BMP8A: variants seen among roughly 807,000 people sequenced by gnomAD.
BMP8A encodes bone morphogenetic protein 8a.
BMP8A carries 14 observed loss-of-function variants against 36.8 expected under a neutral mutation model. The observed-to-expected ratio is 0.38, with a 90% CI of 0.25 to 0.60. BMP8A has a LOEUF of 0.60. BMP8A is among the 20% of genes least tolerant of loss of function. BMP8A has a pLI of 0.63. For synonymous variants in BMP8A, 120 were observed against 237.7 expected, an observed-to-expected ratio of 0.50 and a Z score of 4.55; for missense variants, 267 against 551.1, an observed-to-expected ratio of 0.48 and a Z score of 5.16.
At position 39,527,721 on chromosome 1, in the gene BMP8A, G is replaced by A. The variant is rs929735088; in HGVS notation, c.*1923G>A. ...GCTTCAAGCTCAGCTAGCAGAGATT[G>A]GAAGAGGCAATGGCCTGAGTGTTAG... On this transcript the variant is annotated 3_prime_UTR_variant, in exon 7 of 7. Transcript: ENST00000331593. 3.9e-5 allele frequency among the ~76,000 whole-genome samples: 6 copies of A among 152,274 alleles called. No individual in the cohort carries two copies. Among genetic ancestry groups the A allele is most frequent in the African/African-American group, 1.4e-4 (6 of 41,474 alleles).
At chr1:39,511,062 G>A (rs918673844) in intron 1 of BMP8A, 112 bp from the exon 2 acceptor site, 15 of 1,504,408 alleles carry the variant, frequency 1.0e-5, no homozygotes, top group Non-Finnish European at 1.3e-5. Flanking sequence ...GCCTCCCTGG[G>A]TCCGCTCCAC....
At chr1:39,508,856 G>T (rs1367218609) in intron 1 of BMP8A, among the ~76,000 whole-genome samples, 1 of 152,172 alleles carries the variant, frequency 6.6e-6, no homozygotes, top group Non-Finnish European at 1.5e-5. Flanking sequence ...TTCCAGGCTT[G>T]CCTGGAACAG....
At position 39,527,908 on chromosome 1, in the gene BMP8A, TC is replaced by T. The variant is rs918757468; in HGVS notation, c.*2113del. ...GAACCCATCTGCCCCCATGACCTTC[TC>T]CCAGAGCTTGAGACATGGCCTGAGC... is the stretch of plus-strand genomic sequence containing the variant. On this transcript the variant is annotated 3_prime_UTR_variant, in exon 7 of 7. Coordinates refer to ENST00000331593, the MANE Select transcript of BMP8A (RefSeq NM_181809.4). 6.6e-6 allele frequency among the ~76,000 whole-genome samples: 1 copy of T among 152,176 alleles called. No homozygotes were observed. Among genetic ancestry groups the T allele is most frequent in the Non-Finnish European group, 1.5e-5 (1 of 68,036 alleles).
intron 1 of BMP8A, 28 bp downstream of exon 1, chr1:39,492,353 C>T (rs1472420952): frequency 6.6e-7 from 1 of 1,523,576 alleles, no homozygotes; most frequent in Non-Finnish European, 8.7e-7. Flanking sequence ...CGCGGGGACC[C>T]TCGGAGTAAG....
At chr1:39,496,832 G>A (rs1328147030) in intron 1 of BMP8A, among the ~76,000 whole-genome samples, 1 of 152,226 alleles carries the variant, frequency 6.6e-6, no homozygotes, top group Non-Finnish European at 1.5e-5. Context: ...TGTAAGCTGA[G>A]AAGCCTGTTG....
At position 39,491,918 on chromosome 1, in the gene BMP8A, C is replaced by A; in HGVS notation, c.-74C>A. 9.6e-7 allele frequency: 1 copy of A among 1,039,994 alleles called. No individual in the cohort carries two copies. Among genetic ancestry groups the A allele is most frequent in the Non-Finnish European group, 1.2e-6 (1 of 864,876 alleles). 64.4% of individuals were successfully genotyped at this position (1,039,994 alleles called of 1,614,324 possible). A position where few individuals can be genotyped will look rare whatever the true frequency, so the allele number is the denominator to read the frequency against. On this transcript the variant is annotated 5_prime_UTR_variant, in exon 1 of 7. Transcript: ENST00000331593. ...TGCTCGCCGAACTCAGCTCCCCGTT[C>A]GCCGTCGGGGCGTCCCCGGGCCCAG...
chr1:39,511,040 G>A lies in BMP8A; in HGVS notation c.335-134G>A, dbSNP rs1362333761. The A allele has an allele frequency of 4.7e-5, 63 of 1,343,928 alleles. 1 individual carries two copies. Among genetic ancestry groups the A allele is most frequent in the Non-Finnish European group, 5.9e-5 (58 of 983,422 alleles). The allele number at this position is 1,343,928 out of a possible 1,614,324, so 83.3% of individuals were successfully genotyped here. ...ACAAACGTTTGCACAAAATGAAGCC[G>A]GCCCCACCCAGGCCTCCCTGGGTCC... On this transcript the variant is annotated intron_variant, in intron 1 of 6. Transcript: ENST00000331593.
chr1:39,510,731 C>G (rs980676089), intron 1 of BMP8A, among the ~76,000 whole-genome samples: 7 of 152,218 alleles, frequency 4.6e-5, no homozygotes, highest in Non-Finnish European at 7.4e-5. Flanking sequence ...GAGATGCCGT[C>G]GGTTATGTCG....
chr1:39,522,164 T>G lies in BMP8A; in HGVS notation c.869-239T>G, dbSNP rs533822280. ...CTGGAGCATAAAGACGCTCATAGGC[T>G]GAAGGACAGGGGAGGACTGGGCACA... On this transcript the variant is annotated intron_variant, in intron 4 of 6. Transcript: ENST00000331593. 1.4e-4 allele frequency: 66 copies of G among 486,798 alleles called. 1 individual carries two copies. The highest frequency in any genetic ancestry group is 1.2e-3 in the African/African-American group (64 of 52,220). 30.2% of individuals were successfully genotyped at this position (486,798 alleles called of 1,614,324 possible). A position where few individuals can be genotyped will look rare whatever the true frequency, so the allele number is the denominator to read the frequency against.
chr1:39,514,745 C>T (rs1645382043), intron 3 of BMP8A, among the ~76,000 whole-genome samples: 1 of 152,164 alleles, frequency 6.6e-6, no homozygotes, highest in African/African-American at 2.4e-5. Context: ...GCGCTGGACA[C>T]GGAGGACTGA....
At chr1:39,497,213 C>T (rs933050852) in intron 1 of BMP8A, among the ~76,000 whole-genome samples, 1 of 152,218 alleles carries the variant, frequency 6.6e-6, no homozygotes, top group African/African-American at 2.4e-5. Context: ...CTTTTATCCA[C>T]ATCCCTCTGT....
intron 6 of BMP8A, chr1:39,525,271 G>T (rs1031294380): frequency 4.6e-6 from 1 of 217,986 alleles, no homozygotes; most frequent in Middle Eastern, 1.8e-3. Flanking sequence ...TAAGAAGACA[G>T]TGGTCCTTCC....
intron 6 of BMP8A, among the ~76,000 whole-genome samples, chr1:39,523,355 T>C (rs1186457666): frequency 6.6e-6 from 1 of 152,214 alleles, no homozygotes. Flanking sequence ...CAGTCGCGTA[T>C]GCATGCCTGT....
At chr1:39,515,763 A>G (rs1412717516) in intron 3 of BMP8A, 18 of 1,591,806 alleles carry the variant, frequency 1.1e-5, no homozygotes, top group Non-Finnish European at 1.5e-5. Flanking sequence ...CAGAAATACG[A>G]GAAACGAATT....
intron 1 of BMP8A, among the ~76,000 whole-genome samples, chr1:39,504,449 C>G (rs1645281355): frequency 1.3e-5 from 2 of 152,208 alleles, no homozygotes; most frequent in African/African-American, 2.4e-5. Context: ...GGCGCTGTGC[C>G]TCGATGTGCA....
At chr1:39,506,057 G>T (rs1157928121) in intron 1 of BMP8A, among the ~76,000 whole-genome samples, 3 of 151,774 alleles carry the variant, frequency 2.0e-5, no homozygotes, top group Non-Finnish European at 4.4e-5. Context: ...AGATCGGAGG[G>T]GCCCCGGGGA....
chr1:39,506,290 A>G lies in BMP8A; in HGVS notation c.335-4884A>G, dbSNP rs534523711. Among the ~76,000 whole-genome samples the G allele has an allele frequency of 2.0e-5, 3 of 152,186 alleles. No homozygotes were observed. The East Asian group carries it at 5.8e-4, about 29-fold the overall frequency. On this transcript the variant is annotated intron_variant, in intron 1 of 6. Transcript: ENST00000331593. Reference sequence around the variant, plus strand: ...AGTGGCGCAATCTTGGCTCACTGCAACCTCTGCCTCCCAGGTTCAAGCAGT... The same window carrying G: ...AGTGGCGCAATCTTGGCTCACTGCAGCCTCTGCCTCCCAGGTTCAAGCAGT...
chr1:39,503,798 C>A (rs1570284134), intron 1 of BMP8A, among the ~76,000 whole-genome samples: 1 of 151,714 alleles, frequency 6.6e-6, no homozygotes, highest in Admixed American at 6.6e-5. Flanking sequence ...TAGGCAGGAG[C>A]CACTGCACCT....
At chr1:39,499,438 G>C (rs1490750358) in intron 1 of BMP8A, among the ~76,000 whole-genome samples, 2 of 152,248 alleles carry the variant, frequency 1.3e-5, no homozygotes, top group Non-Finnish European at 2.9e-5. Context: ...TGGAGGATGA[G>C]GGTGTCTTTT....
Sources: gnomAD v4.1 joint callset for allele counts (sites outside exome capture counted in the v4.1 genomes callset) on GRCh38, gnomAD v4.1.1 for gene constraint, MANE v1.5 for transcripts, NCBI Gene and HGNC (gene_info 2026-07-23, HGNC 2026-07-21) for gene names.